Variants in PGAP6 observed in about 807,000 individuals in gnomAD.
PGAP6 encodes post-GPI attachment to proteins 6.
In PGAP6, 62 loss-of-function variants were observed where a neutral mutation model predicts 68.4. That is an observed-to-expected ratio of 0.91 (90% CI 0.74 to 1.12). PGAP6 has a LOEUF of 1.12. Among genes scored for constraint, PGAP6 ranks in the 50% most tolerant of loss-of-function variants. PGAP6 has a pLI of 0.00. For missense variants in PGAP6, 1,188 were observed against 1,068.5 expected (o/e 1.11, Z -1.56); for synonymous variants, 575 against 474.0 (o/e 1.21, Z -2.77).
chr16:386,179 G>A (rs183085025), upstream of PGAP6, among the ~76,000 whole-genome samples: 32 of 151,690 alleles, frequency 2.1e-4, no homozygotes, highest in African/African-American at 6.5e-4. Flanking sequence ...TGTGCTCTTC[G>A]CCCAGCAGCA....
At chr16:378,261 C>CACTGCCATCGCCACTCTG (rs2054406567) in intron 1 of PGAP6, among the ~76,000 whole-genome samples, 1 of 114,102 alleles carries the variant, frequency 8.8e-6, no homozygotes, top group African/African-American at 3.5e-5. Flanking sequence ...TCCCCACCCG[C>CACTGCCATCGCCACTCTG]ACTGCCATCC....
chr16:378,767 G>A (rs1280196882), intron 1 of PGAP6, among the ~76,000 whole-genome samples: 1 of 152,252 alleles, frequency 6.6e-6, no homozygotes, highest in Non-Finnish European at 1.5e-5. Flanking sequence ...TTACCCAGAG[G>A]GAGATACTGC....
In PGAP6 at chr16:381,972, G is replaced by A. The variant is rs1206377528; in HGVS notation, c.-151C>T. 4.1e-6 allele frequency: 4 copies of A among 966,112 alleles called. No individual in the cohort carries two copies. Among genetic ancestry groups the A allele is most frequent in the South Asian group, 4.6e-5 (1 of 21,528 alleles). The allele number at this position is 966,112 out of a possible 1,614,324, so 59.8% of individuals were successfully genotyped here. On this transcript the variant is annotated 5_prime_UTR_variant, in exon 1 of 13. Transcript: ENST00000431232. ...GGCCGGTCCCCGCCGCCGTCGCCCC[G>A]GGCACTTCCGCCCGCAGGCCCCGCC...
In PGAP6 at chr16:377,743, G is replaced by A. The variant is rs985996619; in HGVS notation, c.227C>T (p.Ala76Val). 3 of 1,596,558 alleles carry A rather than the reference G, an allele frequency of 1.9e-6. No individual in the cohort carries two copies. Among genetic ancestry groups the A allele is most frequent in the African/African-American group, 2.7e-5 (2 of 74,668 alleles). ...RLFRFRVPPD[A>V]VLLRWLLQVS... ...CTGCAGGAGCCAGCGTAGAAGCACA[G>A]CATCTGGGGGCACGCGGAAGCGGAA... Residue 76 changes from alanine to valine, a missense_variant, in exon 2 of 13, where the codon GCT becomes GTT. Ala to Val is a moderately conservative substitution (Grantham distance 64, BLOSUM62 0). Transcript: ENST00000431232.
At chr16:380,369 TTTC>T (rs537584650) in intron 1 of PGAP6, among the ~76,000 whole-genome samples, 29 of 148,800 alleles carry the variant, frequency 1.9e-4, no homozygotes, top group African/African-American at 7.0e-4. Context: ...TCTTTCTGTC[TTTC>T]TTTTTTTTTT....
intron 11 of PGAP6, among the ~76,000 whole-genome samples, chr16:373,256 C>T (rs1404665528): frequency 6.6e-6 from 1 of 152,228 alleles, no homozygotes; most frequent in African/African-American, 2.4e-5. Flanking sequence ...TGGGCACCCC[C>T]TTGGGGCAGT....
chr16:376,330 C>G lies in PGAP6; in HGVS notation c.1030G>C (p.Val344Leu), dbSNP rs138807162. Residue 344 changes from valine (V) to leucine (L), a missense_variant, in exon 6 of 13, where the codon GTG becomes CTG. Physicochemically the swap from Val to Leu is conservative, Grantham distance 32. Transcript: ENST00000431232. ...DHQDLGRSGR[V>L]DRSPFCLTNY... ...GTGAGGCAGAAGGGGCTGCGGTCCA[C>G]CCTGCCACTCCTGCCCAGGTCCTGG... is the stretch of plus-strand genomic sequence containing the variant. 287 of 1,612,714 alleles carry G rather than the reference C, an allele frequency of 1.8e-4. 1 individual carries two copies. In the African/African-American group the frequency reaches 3.5e-3, roughly 20 times the overall value.
intron 4 of PGAP6, 60 bp from the exon 5 acceptor site, chr16:376,872 G>A (rs763537660): frequency 1.0e-5 from 16 of 1,585,130 alleles, no homozygotes; most frequent in Middle Eastern, 2.2e-4. Flanking sequence ...GGGACGCAGC[G>A]TGCCCAGGCT....
chr16:384,750 A>G (rs559895163), upstream of PGAP6, among the ~76,000 whole-genome samples: 2 of 151,696 alleles, frequency 1.3e-5, no homozygotes, highest in South Asian at 2.1e-4. Context: ...CAGCTACTCC[A>G]GAGGCTGAGG....
At chr16:381,265 C>T (rs942017926) in intron 1 of PGAP6, among the ~76,000 whole-genome samples, 4 of 152,222 alleles carry the variant, frequency 2.6e-5, no homozygotes, top group Non-Finnish European at 5.9e-5. Flanking sequence ...CGCCCACGGG[C>T]CCCCGCTACA....
intron 3 of PGAP6, 58 bp downstream of exon 3, chr16:377,320 G>A (rs1000215874): frequency 1.9e-6 from 3 of 1,549,962 alleles, no homozygotes; most frequent in Non-Finnish European, 2.6e-6. Context: ...GTGAACGGCA[G>A]GGACAGGCCA....
Position 372,736 on chromosome 16 carries a change from G to A in PGAP6, c.1903-9C>T, listed in dbSNP as rs1021097379. The stretch of plus-strand genomic sequence containing the variant: ...CCCAGAAGAAACAGCACCTGCGCAA[G>A]ACACAGGGATGACTGCAGGGACGTC... On this transcript the variant is annotated splice_polypyrimidine_tract_variant and intron_variant, in intron 11 of 12. Coordinates refer to ENST00000431232, the MANE Select transcript of PGAP6 (RefSeq NM_021259.3). 2 of 1,597,934 alleles carry A rather than the reference G, an allele frequency of 1.3e-6. No individual in the cohort carries two copies. The highest frequency in any genetic ancestry group is 1.3e-5 in the African/African-American group (1 of 74,584).
rs2054357760 is a variant in PGAP6 at position 374,087 on chromosome 16, T to A, written c.1820A>T (p.Gln607Leu). Residue 607 changes from glutamine to leucine, a missense_variant, in exon 11 of 13, where the codon CAG becomes CTG. By Grantham distance (113) the Gln-to-Leu change is moderately radical. Transcript: ENST00000431232. ...CCCGGAGCCCAAGAAGTCGCAGTACTGCAGCGTGTCGTAGCTGAGGATGCA... is the reference window on the plus strand; with the variant it reads ...CCCGGAGCCCAAGAAGTCGCAGTACAGCAGCGTGTCGTAGCTGAGGATGCA... The part of the protein sequence containing the change: ...VLCILSYDTL[Q>L]YCDFLGSGAA... 6.2e-7 allele frequency: 1 copy of A among 1,611,952 alleles called. No homozygotes were observed. Among genetic ancestry groups the A allele is most frequent in the Non-Finnish European group, 8.5e-7 (1 of 1,179,962 alleles).
At position 381,970 on chromosome 16, in the gene PGAP6, C is replaced by T; in HGVS notation, c.-149G>A. 1 of 971,836 alleles carries T rather than the reference C, an allele frequency of 1.0e-6. No individual in the cohort carries two copies. Among genetic ancestry groups the T allele is most frequent in the Non-Finnish European group, 1.2e-6 (1 of 817,410 alleles). 60.2% of individuals were successfully genotyped at this position (971,836 alleles called of 1,614,324 possible). On this transcript the variant is annotated 5_prime_UTR_variant, in exon 1 of 13. Transcript: ENST00000431232. ...CCGGCCGGTCCCCGCCGCCGTCGCC[C>T]CGGGCACTTCCGCCCGCAGGCCCCG...
rs748656747 is a variant in PGAP6, at chr16:375,416, G to T, written c.1244C>A (p.Thr415Asn). ...AGCATTCACGCAGGCCACTACGACG[G>T]TCTCGTTCCGCATCTCTGTCTGGAA... ...RANKTEMRNETVVVACVNAAS... is the reference protein window; with the variant it reads ...RANKTEMRNENVVVACVNAAS... The change falls in exon 7 of 13, where the codon ACC becomes AAC. Residue 415 changes from threonine to asparagine, a missense_variant. By Grantham distance (65) the Thr-to-Asn change is moderately conservative (BLOSUM62 0). Coordinates refer to ENST00000431232, the MANE Select transcript of PGAP6 (RefSeq NM_021259.3). The T allele has an allele frequency of 6.2e-7, 1 of 1,612,524 alleles. No individual in the cohort carries two copies. The highest frequency in any genetic ancestry group is 1.7e-5 in the Admixed American group (1 of 60,024).
chr16:371,643 G>A lies in PGAP6; in HGVS notation c.*344C>T, dbSNP rs1307655538. On this transcript the variant is annotated 3_prime_UTR_variant, in exon 13 of 13. Transcript: ENST00000431232. ...CCTCGCCAGGGAACAGGACCATAGGGAGTCCTTCTCCCCATCTCTAGCCAC... is the reference window on the plus strand; with the variant it reads ...CCTCGCCAGGGAACAGGACCATAGGAAGTCCTTCTCCCCATCTCTAGCCAC... 2 of 303,532 alleles carry A rather than the reference G, an allele frequency of 6.6e-6. No homozygotes were observed. The highest frequency in any genetic ancestry group is 1.3e-5 in the Non-Finnish European group (2 of 158,574). 18.8% of individuals were successfully genotyped at this position (303,532 alleles called of 1,614,324 possible). A position where few individuals can be genotyped will look rare whatever the true frequency, so the allele number is the denominator to read the frequency against.
At chr16:383,959 A>G (rs1305608072), upstream of PGAP6, among the ~76,000 whole-genome samples, 1 of 152,232 alleles carries the variant, frequency 6.6e-6, no homozygotes, top group Non-Finnish European at 1.5e-5. Flanking sequence ...TGAGCCTTAA[A>G]GAGACCCTTT....
At chr16:380,350 A>AT (rs1019248658) in intron 1 of PGAP6, among the ~76,000 whole-genome samples, 9 of 147,804 alleles carry the variant, frequency 6.1e-5, no homozygotes, top group South Asian at 2.2e-4. Context: ...CACCCAGGTT[A>AT]TTTTTTTTTC....
At chr16:378,181 C>CCCACCCGCACTGCCATCG (rs1567325629) in intron 1 of PGAP6, among the ~76,000 whole-genome samples, 2,642 of 59,190 alleles carry the variant, frequency 0.045, 198 homozygotes, top group Non-Finnish European at 0.059. Context: ...CACTGCCATC[C>CCCACCCGCACTGCCATCG]CCACCCGCAC....
Sources: gnomAD v4.1 joint callset for allele counts (sites outside exome capture counted in the v4.1 genomes callset) on GRCh38, gnomAD v4.1.1 for gene constraint, MANE v1.5 for transcripts, NCBI Gene and HGNC (gene_info 2026-07-23, HGNC 2026-07-21) for gene names.